Variants in ERG observed in about 807,000 individuals in gnomAD.
ERG encodes ETS transcription factor ERG, also known as transcriptional regulator ERG.
ERG carries 9 observed loss-of-function variants against 55.3 expected under a neutral mutation model. That is an observed-to-expected ratio of 0.16 (90% CI 0.10 to 0.28). ERG has a LOEUF of 0.28. Ranked by LOEUF, ERG falls within the 10% of genes least tolerant of loss-of-function variation. ERG has a pLI of 1.00. For missense variants in ERG, 434 were observed against 631.6 expected, an observed-to-expected ratio of 0.69 and a Z score of 3.35; for synonymous variants, 223 against 237.3, an observed-to-expected ratio of 0.94 and a Z score of 0.55.
intron 9 of ERG, among the ~76,000 whole-genome samples, chr21:38,386,608 T>C (rs1267568101): frequency 1.3e-5 from 2 of 152,202 alleles, no homozygotes; most frequent in African/African-American, 4.8e-5. Flanking sequence ...TTTTAGAATA[T>C]AGAATAGAGA....
At chr21:38,626,049 G>A (rs1219352047) in intron 1 of ERG, among the ~76,000 whole-genome samples, 1 of 150,110 alleles carries the variant, frequency 6.7e-6, no homozygotes, top group Non-Finnish European at 1.5e-5. Flanking sequence ...AAACTCCTGA[G>A]TAGCTGGGCC....
intron 2 of ERG, among the ~76,000 whole-genome samples, chr21:38,572,365 CAA>C (rs758324053): frequency 0.01 from 671 of 66,960 alleles, 7 homozygotes; most frequent in African/African-American, 0.029. Flanking sequence ...GAGACTCCAT[CAA>C]AAAAAAAAAA....
chr21:38,485,137 G>T lies in ERG; in HGVS notation c.18+13226C>A, dbSNP rs538417261. The stretch of plus-strand genomic sequence containing the variant: ...TATTGTCCCTGCAGACCTTCCAGTG[G>T]CACAGGGACAAGATGTAGAGATGAA... On this transcript the variant is annotated intron_variant, in intron 1 of 9. Transcript: ENST00000288319. 2.0e-5 allele frequency among the ~76,000 whole-genome samples: 3 copies of T among 152,166 alleles called. No individual in the cohort carries two copies. The East Asian group carries it at 5.8e-4, about 29-fold the overall frequency.
chr21:38,473,594 T>C (rs2059159880), intron 1 of ERG, among the ~76,000 whole-genome samples: 1 of 152,200 alleles, frequency 6.6e-6, no homozygotes, highest in Non-Finnish European at 1.5e-5. Flanking sequence ...AAGATGCATT[T>C]ACAAATCCTA....
At chr21:38,523,576 C>T (rs1268453538) in intron 2 of ERG, among the ~76,000 whole-genome samples, 1 of 152,206 alleles carries the variant, frequency 6.6e-6, no homozygotes, top group Non-Finnish European at 1.5e-5. Flanking sequence ...CTTCTCTAAG[C>T]TCCCACCCCT....
intron 1 of ERG, among the ~76,000 whole-genome samples, chr21:38,475,371 C>T (rs899193453): frequency 3.9e-5 from 6 of 152,086 alleles, no homozygotes; most frequent in South Asian, 2.1e-4. Context: ...CCAAGCTTTT[C>T]GCACCTGACA....
chr21:38,591,154 A>G (rs1247687025), intron 1 of ERG, among the ~76,000 whole-genome samples: 1 of 152,226 alleles, frequency 6.6e-6, no homozygotes, highest in Non-Finnish European at 1.5e-5. Context: ...CCAAGGAAGG[A>G]CATTCAGTAA....
chr21:38,621,155 G>A (rs1484281727), intron 1 of ERG, among the ~76,000 whole-genome samples: 1 of 152,170 alleles, frequency 6.6e-6, no homozygotes, highest in Non-Finnish European at 1.5e-5. Flanking sequence ...CCATGGGATG[G>A]GATGAGATCA....
At chr21:38,488,819 T>C (rs982441264) in intron 1 of ERG, among the ~76,000 whole-genome samples, 2 of 152,246 alleles carry the variant, frequency 1.3e-5, no homozygotes, top group Non-Finnish European at 2.9e-5. Flanking sequence ...CTACGGGGCA[T>C]GTTACTCATA....
chr21:38,500,072 T>C (rs536387498), upstream of ERG, among the ~76,000 whole-genome samples: 3 of 152,312 alleles, frequency 2.0e-5, no homozygotes, highest in East Asian at 5.8e-4. Context: ...TGAGCTGTTT[T>C]ATCTGGGCAG....
At chr21:38,537,005 A>G (rs984596656) in intron 2 of ERG, among the ~76,000 whole-genome samples, 1 of 152,160 alleles carries the variant, frequency 6.6e-6, no homozygotes, top group Non-Finnish European at 1.5e-5. Flanking sequence ...TATTGCATAT[A>G]TGGTCTGATA....
At chr21:38,497,505 G>C (rs1405436067) in intron 1 of ERG, among the ~76,000 whole-genome samples, 1 of 152,176 alleles carries the variant, frequency 6.6e-6, no homozygotes, top group Non-Finnish European at 1.5e-5. Flanking sequence ...CCCCATTCAA[G>C]ACTGCATGCC....
intron 3 of ERG, 101 bp downstream of exon 3, chr21:38,423,309 G>A (rs1215507218): frequency 4.8e-6 from 6 of 1,261,694 alleles, no homozygotes; most frequent in Non-Finnish European, 6.6e-6. Context: ...CAAAGGAGAT[G>A]TGATCAATGC....
intron 3 of ERG, among the ~76,000 whole-genome samples, chr21:38,419,722 T>A (rs957354643): frequency 3.9e-5 from 6 of 152,034 alleles, no homozygotes; most frequent in African/African-American, 1.2e-4. Context: ...CATTTATCCT[T>A]CAGGGACATT....
Position 38,498,242 on chromosome 21 carries a change from G to T in ERG, c.18+121C>A. 1.2e-6 allele frequency: 1 copy of T among 821,878 alleles called. No homozygotes were observed. Among genetic ancestry groups the T allele is most frequent in the Non-Finnish European group, 2.0e-6 (1 of 489,196 alleles). The allele number at this position is 821,878 out of a possible 1,614,324, so 50.9% of individuals were successfully genotyped here. A position where few individuals can be genotyped will look rare whatever the true frequency, so the allele number is the denominator to read the frequency against. ...TAGGCAGTGCAAAGGAAATCTTGTT[G>T]TCCTCTATTGTGGCAGTGGGGGTGT... On this transcript the variant is annotated intron_variant, in intron 1 of 9. Coordinates refer to ENST00000288319, the MANE Select transcript of ERG (RefSeq NM_182918.4). The surrounding 1 kb of genome is among the most constrained non-coding windows in gnomAD (Gnocchi z 4.6).
intron 2 of ERG, among the ~76,000 whole-genome samples, chr21:38,443,956 T>G (rs897285389): frequency 6.6e-6 from 1 of 152,126 alleles, no homozygotes; most frequent in Non-Finnish European, 1.5e-5. Flanking sequence ...TCAGAGCCAG[T>G]GCACTTTCAA....
intron 1 of ERG, among the ~76,000 whole-genome samples, chr21:38,656,892 C>A (rs73220113): frequency 0.2 from 30,271 of 152,112 alleles, 3,405 homozygotes; most frequent in Middle Eastern, 0.34. Flanking sequence ...CAGCTTTTCC[C>A]CCCCGAGTAT....
chr21:38,435,088 T>C (rs1437814980), intron 2 of ERG, among the ~76,000 whole-genome samples: 1 of 152,172 alleles, frequency 6.6e-6, no homozygotes, highest in Admixed American at 6.5e-5. Flanking sequence ...AGCTCTACCC[T>C]AAGAGGGCAA....
chr21:38,500,029 T>A (rs547478423), upstream of ERG, among the ~76,000 whole-genome samples: 1 of 140,904 alleles, frequency 7.1e-6, no homozygotes, highest in African/African-American at 2.4e-5. Context: ...GCAGGCTGAT[T>A]AAAATTCTGT....
Sources: gnomAD v4.1 joint callset for allele counts (sites outside exome capture counted in the v4.1 genomes callset) on GRCh38, gnomAD v4.1.1 for gene constraint, Gnocchi (gnomAD v3.1) non-coding constraint, MANE v1.5 for transcripts, NCBI Gene and HGNC (gene_info 2026-07-23, HGNC 2026-07-21) for gene names.